The following SLC7A8 variants were observed in gnomAD, a reference collection of about 807,000 sequenced individuals.
SLC7A8 encodes the protein solute carrier family 7 member 8, also known as large neutral amino acids transporter small subunit 2.
Under a neutral mutation model 51.2 loss-of-function variants are expected in SLC7A8, and 30 were observed. The observed-to-expected ratio is 0.59, with a 90% confidence interval of 0.44 to 0.80. The LOEUF (loss-of-function observed/expected upper bound fraction) is 0.80, where lower values mean the gene tolerates loss of function less well. Ranked by LOEUF, SLC7A8 falls within the 30% of genes least tolerant of loss-of-function variation. The probability of loss-of-function intolerance (pLI) is 0.00; values close to 1 mark genes in which losing one functional copy is unlikely to be tolerated. For synonymous variants in SLC7A8, 257 were observed against 275.8 expected, an observed-to-expected ratio of 0.93 and a Z score of 0.67; for missense variants, 612 against 674.4, an observed-to-expected ratio of 0.91 and a Z score of 1.03.
chr14:23,129,384 A>G (rs1287650441), intron 9 of SLC7A8: 1 of 415,834 alleles, frequency 2.4e-6, no homozygotes, highest in Non-Finnish European at 4.3e-6. Context: ...TTTAAGGCTT[A>G]GACTGGTAGG....
chr14:23,181,842 C>T (rs1330100986), intron 1 of SLC7A8, among the ~76,000 whole-genome samples: 1 of 152,222 alleles, frequency 6.6e-6, no homozygotes, highest in Non-Finnish European at 1.5e-5. Flanking sequence ...CCATCCATCT[C>T]CAAGGCTTCT....
intron 3 of SLC7A8, among the ~76,000 whole-genome samples, chr14:23,160,051 A>G (rs2048913472): frequency 6.6e-6 from 1 of 152,200 alleles, no homozygotes; most frequent in African/African-American, 2.4e-5. Context: ...CCAACCCCAA[A>G]TGAGAGGAAG....
At chr14:23,133,333 C>G (rs145737704) in intron 7 of SLC7A8, among the ~76,000 whole-genome samples, 1 of 148,458 alleles carries the variant, frequency 6.7e-6, no homozygotes, top group South Asian at 2.1e-4. Flanking sequence ...TCTAATTACT[C>G]GGGAGGCTGA....
intron 4 of SLC7A8, among the ~76,000 whole-genome samples, chr14:23,141,885 T>C (rs1042710626): frequency 2.0e-5 from 3 of 152,182 alleles, no homozygotes; most frequent in African/African-American, 7.2e-5. Flanking sequence ...CTGGCTAAAA[T>C]TTCAATGAGA....
chr14:23,170,796 G>A lies in SLC7A8; in HGVS notation c.152-4256C>T, dbSNP rs987454071. ...GCTGGAGTGCAGTGGTGTGATCATA[G>A]CTCACTGCAGCCTCAAACCCCTGGG... On this transcript the variant is annotated intron_variant, in intron 1 of 10. Coordinates refer to ENST00000316902, the MANE Select transcript of SLC7A8 (RefSeq NM_012244.4). Among the ~76,000 whole-genome samples, 27 of 152,122 alleles carry A rather than the reference G, an allele frequency of 1.8e-4. 1 individual carries two copies. The highest frequency in any genetic ancestry group is 6.6e-5 in the Admixed American group (1 of 15,264).
intron 1 of SLC7A8, 81 bp downstream of exon 1, chr14:23,182,683 T>G: frequency 6.9e-7 from 1 of 1,443,320 alleles, no homozygotes; most frequent in African/African-American, 1.4e-5. Context: ...GGAAGAACAA[T>G]AATGCTTTCG....
chr14:23,153,780 T>C (rs1272993330), intron 3 of SLC7A8, among the ~76,000 whole-genome samples: 2 of 152,152 alleles, frequency 1.3e-5, no homozygotes, highest in East Asian at 3.9e-4. Context: ...GCTTGCACCT[T>C]TCTCAGGAGT....
intron 1 of SLC7A8, among the ~76,000 whole-genome samples, chr14:23,174,174 A>T (rs1457439865): frequency 6.6e-6 from 1 of 152,224 alleles, no homozygotes; most frequent in East Asian, 1.9e-4. Flanking sequence ...TCCAAATACC[A>T]CCTTAAGTCA....
chr14:23,181,661 C>T (rs1000967821), intron 1 of SLC7A8, among the ~76,000 whole-genome samples: 1 of 152,202 alleles, frequency 6.6e-6, no homozygotes, highest in African/African-American at 2.4e-5. Flanking sequence ...TTCAGGGGCA[C>T]CAGGACACAA....
chr14:23,163,654 G>A (rs1190728417), intron 3 of SLC7A8, among the ~76,000 whole-genome samples: 2 of 152,210 alleles, frequency 1.3e-5, no homozygotes, highest in Non-Finnish European at 2.9e-5. Context: ...ACCTGGGAAA[G>A]CATATGGCCA....
chr14:23,132,128 C>T (rs1279226569), intron 7 of SLC7A8, among the ~76,000 whole-genome samples: 15 of 151,586 alleles, frequency 9.9e-5, no homozygotes, highest in Admixed American at 9.2e-4. Context: ...CTCAGCCTCC[C>T]GAGAAGGTGG....
At chr14:23,155,267 G>A (rs1355052513) in intron 3 of SLC7A8, 26 of 1,536,000 alleles carry the variant, frequency 1.7e-5, no homozygotes, top group Non-Finnish European at 2.1e-5. Context: ...GAGGAGGAGG[G>A]TGCAGAGAAG....
At chr14:23,162,834 A>C (rs1000978528) in intron 3 of SLC7A8, among the ~76,000 whole-genome samples, 4 of 152,148 alleles carry the variant, frequency 2.6e-5, no homozygotes, top group African/African-American at 9.7e-5. Flanking sequence ...GAACTTCTTC[A>C]ACCTGTGGCC....
chr14:23,161,817 C>T (rs1342684637), intron 3 of SLC7A8, among the ~76,000 whole-genome samples: 1 of 150,972 alleles, frequency 6.6e-6, no homozygotes, highest in Non-Finnish European at 1.5e-5. Flanking sequence ...ATCCCAGCAA[C>T]CTGGAAGGCT....
At chr14:23,175,560 T>G (rs1294274013) in intron 1 of SLC7A8, among the ~76,000 whole-genome samples, 1 of 152,214 alleles carries the variant, frequency 6.6e-6, no homozygotes, top group African/African-American at 2.4e-5. Flanking sequence ...CTGGTGTGTC[T>G]CTTGGACATA....
intron 8 of SLC7A8, among the ~76,000 whole-genome samples, chr14:23,130,904 G>A (rs561520104): frequency 3.3e-4 from 50 of 152,292 alleles, no homozygotes; most frequent in Non-Finnish European, 6.6e-4. Flanking sequence ...CTACTCTGGG[G>A]ATATTTTACT....
At chr14:23,171,202 ACTAATAAAGTAATCAT>A (rs1429334414) in intron 1 of SLC7A8, among the ~76,000 whole-genome samples, 1 of 152,138 alleles carries the variant, frequency 6.6e-6, no homozygotes, top group Non-Finnish European at 1.5e-5. Flanking sequence ...ATCCTCCCCA[ACTAATAAAGTAATCAT>A]CTTATCACGC....
chr14:23,136,359 C>T (rs2048690064), intron 7 of SLC7A8, among the ~76,000 whole-genome samples: 1 of 152,190 alleles, frequency 6.6e-6, no homozygotes, highest in South Asian at 2.1e-4. Flanking sequence ...ACTCACGTCC[C>T]CCCTCCACAT....
intron 1 of SLC7A8, among the ~76,000 whole-genome samples, chr14:23,171,143 C>T (rs775016413): frequency 2.6e-5 from 4 of 152,160 alleles, no homozygotes; most frequent in Admixed American, 1.3e-4. Context: ...GACGCACATC[C>T]GTCTGGTATT....
Sources: allele counts gnomAD v4.1 joint callset (sites outside exome capture counted in the v4.1 genomes callset), GRCh38; gene constraint gnomAD v4.1.1; transcripts MANE v1.5; gene names NCBI Gene and HGNC (gene_info 2026-07-23, HGNC 2026-07-21).